SLC10A6: variants seen among roughly 807,000 people sequenced by gnomAD.
SLC10A6 encodes the protein solute carrier family 10 member 6, also known as sodium-dependent organic anion transporter.
In SLC10A6, 27 loss-of-function variants were observed where a neutral mutation model predicts 30.0. That is an observed-to-expected ratio of 0.90 (90% CI 0.66 to 1.24). The LOEUF (loss-of-function observed/expected upper bound fraction) is 1.24. Ranked by LOEUF, SLC10A6 falls within the 50% of genes most tolerant of loss-of-function variation. The probability of loss-of-function intolerance (pLI) is 0.00; values close to 1 mark genes in which losing one functional copy is unlikely to be tolerated. For missense variants in SLC10A6, 439 were observed against 457.0 expected (o/e 0.96, Z 0.36); for synonymous variants, 166 against 173.8 (o/e 0.95, Z 0.36).
At chr4:86,846,960 T>C (rs927792119) in intron 1 of SLC10A6, among the ~76,000 whole-genome samples, 5 of 152,222 alleles carry the variant, frequency 3.3e-5, no homozygotes, top group African/African-American at 1.2e-4. Context: ...GGTGTTTTTA[T>C]GACAACATTG....
At chr4:86,824,928 C>T (rs555715615) in intron 5 of SLC10A6, among the ~76,000 whole-genome samples, 39 of 152,300 alleles carry the variant, frequency 2.6e-4, no homozygotes, top group African/African-American at 9.1e-4. Context: ...TGTGCATACA[C>T]ATATATATTT....
chr4:86,848,789 G>GC lies in SLC10A6; in HGVS notation c.326dup (p.Thr110HisfsTer4), dbSNP rs753933531. ...AGAAGGTGAAAATGTTAGAGATGGT[G>GC]CCCCCCGGGCAGCAGCCCATGATGA... On this transcript the variant is annotated frameshift_variant, in exon 1 of 6. Transcript: ENST00000273905. LOFTEE classifies it high-confidence loss of function. The GC allele has an allele frequency of 1.2e-5, 20 of 1,610,958 alleles. No individual in the cohort carries two copies. Among genetic ancestry groups the GC allele is most frequent in the Non-Finnish European group, 1.5e-5 (18 of 1,178,790 alleles).
chr4:86,832,155 G>A (rs1746091342), intron 2 of SLC10A6, among the ~76,000 whole-genome samples: 1 of 152,186 alleles, frequency 6.6e-6, no homozygotes, highest in Admixed American at 6.5e-5. Flanking sequence ...TAAAATCATG[G>A]TTTCTAAATT....
intron 3 of SLC10A6, among the ~76,000 whole-genome samples, chr4:86,829,270 G>A (rs900900500): frequency 3.3e-5 from 5 of 152,030 alleles, no homozygotes; most frequent in Admixed American, 2.6e-4. Context: ...AATTAGCCAG[G>A]CGTGGTGACA....
intron 2 of SLC10A6, among the ~76,000 whole-genome samples, chr4:86,832,842 A>C (rs1374672202): frequency 6.6e-6 from 1 of 152,186 alleles, no homozygotes; most frequent in African/African-American, 2.4e-5. Context: ...TCCAAGAAAA[A>C]GTCAAGGTTC....
intron 1 of SLC10A6, chr4:86,837,742 CCAGT>C: frequency 4.4e-6 from 2 of 456,394 alleles, no homozygotes; most frequent in Non-Finnish European, 5.8e-6. Context: ...ACCCATCAGA[CCAGT>C]CAAATATTTT....
chr4:86,834,484 A>G (rs966052854), intron 1 of SLC10A6, among the ~76,000 whole-genome samples: 1 of 152,248 alleles, frequency 6.6e-6, no homozygotes, highest in African/African-American at 2.4e-5. Context: ...TATTCTATTA[A>G]TATAGTATAT....
chr4:86,824,852 A>G (rs1745952418), intron 5 of SLC10A6, among the ~76,000 whole-genome samples: 1 of 152,092 alleles, frequency 6.6e-6, no homozygotes, highest in African/African-American at 2.4e-5. Flanking sequence ...TATATTTTTA[A>G]ATTTACCCTC....
chr4:86,834,962 T>A (rs2149411827), intron 1 of SLC10A6, among the ~76,000 whole-genome samples: 1 of 152,200 alleles, frequency 6.6e-6, no homozygotes, highest in African/African-American at 2.4e-5. Flanking sequence ...AAGCAAGAAC[T>A]CACTTATCAC....
At position 86,837,201 on chromosome 4, in the gene SLC10A6, TAG is replaced by T. The variant is rs369585953; in HGVS notation, c.378-3779_378-3778del. On this transcript the variant is annotated intron_variant, in intron 1 of 5. Transcript: ENST00000273905. ...GAGGAAGAAGAGCCCATGGTGCATG[TAG>T]AGAGAGAGAGAGAGAGAGAGAGAGA... is the stretch of plus-strand genomic sequence containing the variant. Among the ~76,000 whole-genome samples, 589 of 104,170 alleles carry T rather than the reference TAG, an allele frequency of 5.7e-3. 14 individuals carry two copies. The highest frequency in any genetic ancestry group is 0.016 in the African/African-American group (308 of 18,998). 68.3% of individuals were successfully genotyped at this position (104,170 alleles called of 152,430 possible).
rs543223389 is a variant in SLC10A6, at chr4:86,849,179, C to T, written c.-64G>A. 23 of 1,532,022 alleles carry T rather than the reference C, an allele frequency of 1.5e-5. No homozygotes were observed. In the East Asian group the frequency reaches 4.5e-4, roughly 30 times the overall value. 94.9% of individuals were successfully genotyped at this position (1,532,022 alleles called of 1,614,324 possible). On this transcript the variant is annotated 5_prime_UTR_variant, in exon 1 of 6. Coordinates refer to ENST00000273905, the MANE Select transcript of SLC10A6 (RefSeq NM_197965.3). Reference sequence around the variant, plus strand: ...GGCAACAATGGCTGGGCAGGTCTATCCTGCCACATTTTGTAATAGTGCAAC... The same window carrying T: ...GGCAACAATGGCTGGGCAGGTCTATTCTGCCACATTTTGTAATAGTGCAAC...
rs771797736 is a variant in SLC10A6 at position 86,848,834 on chromosome 4, T to A, written c.282A>T (p.Pro94=). ...TGATGAGAACAGCAATAGCTTGGAC[T>A]GGCTTCAGAGAAAAGCTAATGGCCA... ...YLLAISFSLK[P]VQAIAVLIMG... The change falls in exon 1 of 6, where the codon CCA becomes CCT. Residue 94 remains proline (P), a synonymous_variant. Transcript: ENST00000273905. 1.2e-6 allele frequency: 2 copies of A among 1,614,098 alleles called. No individual in the cohort carries two copies. The highest frequency in any genetic ancestry group is 1.7e-6 in the Non-Finnish European group (2 of 1,180,044).
At chr4:86,841,107 T>C (rs996134469) in intron 1 of SLC10A6, among the ~76,000 whole-genome samples, 4 of 152,234 alleles carry the variant, frequency 2.6e-5, no homozygotes, top group African/African-American at 9.6e-5. Flanking sequence ...TTCCATATTA[T>C]ATCACTTTAC....
chr4:86,839,273 C>CAAAA (rs60340324), intron 1 of SLC10A6, among the ~76,000 whole-genome samples: 2 of 55,368 alleles, frequency 3.6e-5, no homozygotes. Flanking sequence ...CTGGTCTCTA[C>CAAAA]AAAAAAAAAA....
intron 1 of SLC10A6, among the ~76,000 whole-genome samples, chr4:86,834,797 G>T (rs534630113): frequency 6.6e-6 from 1 of 152,212 alleles, no homozygotes; most frequent in Non-Finnish European, 1.5e-5. Flanking sequence ...GTTCCAGCAT[G>T]TGCTCCTGGT....
At chr4:86,825,179 T>G (rs572111687) in intron 5 of SLC10A6, among the ~76,000 whole-genome samples, 2 of 152,344 alleles carry the variant, frequency 1.3e-5, no homozygotes, top group Non-Finnish European at 2.9e-5. Flanking sequence ...TTCACTTTTG[T>G]GAAGTATATT....
Position 86,825,402 on chromosome 4 carries a change from C to T in SLC10A6, c.919+18G>A, listed in dbSNP as rs1560457505. 1 of 1,575,434 alleles carries T rather than the reference C, an allele frequency of 6.3e-7. No individual in the cohort carries two copies. Among genetic ancestry groups the T allele is most frequent in the Non-Finnish European group, 8.7e-7 (1 of 1,149,918 alleles). ...AATTTCCCGTCAGTTATTTCCTACC[C>T]AATGGGTGTTCACCCACCTGCAACA... On this transcript the variant is annotated intron_variant, in intron 5 of 5. Coordinates refer to ENST00000273905, the MANE Select transcript of SLC10A6 (RefSeq NM_197965.3).
At chr4:86,836,296 T>C (rs779764013) in intron 1 of SLC10A6, among the ~76,000 whole-genome samples, 2 of 152,204 alleles carry the variant, frequency 1.3e-5, no homozygotes, top group African/African-American at 2.4e-5. Context: ...GGAAGAGTAC[T>C]TGGTTTGAAG....
At chr4:86,841,668 A>T (rs780350484) in intron 1 of SLC10A6, among the ~76,000 whole-genome samples, 2 of 152,244 alleles carry the variant, frequency 1.3e-5, no homozygotes, top group Non-Finnish European at 2.9e-5. Context: ...ATATATACAC[A>T]TTACATTAAA....
Sources: allele counts gnomAD v4.1 joint callset (sites outside exome capture counted in the v4.1 genomes callset), GRCh38; gene constraint gnomAD v4.1.1; transcripts MANE v1.5; gene names NCBI Gene and HGNC (gene_info 2026-07-23, HGNC 2026-07-21).